Variants in CARD14 observed in about 807,000 individuals in gnomAD.
CARD14 encodes the protein caspase recruitment domain-containing protein 14.
In CARD14, 107 loss-of-function variants were observed where a neutral mutation model predicts 111.5. The observed-to-expected ratio is 0.96, with a 90% CI of 0.82 to 1.13. CARD14 has a LOEUF of 1.13. Among genes scored for constraint, CARD14 ranks in the 50% most tolerant of loss-of-function variants. CARD14 has a pLI of 0.00. For missense variants in CARD14, 1,322 were observed against 1,362.3 expected (o/e 0.97, Z 0.47); for synonymous variants, 617 against 579.6 (o/e 1.06, Z -0.93).
In CARD14 at chr17:80,201,653, C is replaced by T. The variant is rs1183168935; in HGVS notation, c.1852-91C>T. 1.5e-5 allele frequency: 21 copies of T among 1,399,484 alleles called. No homozygotes were observed. Among genetic ancestry groups the T allele is most frequent in the Middle Eastern group, 1.8e-4 (1 of 5,668 alleles). 86.7% of individuals were successfully genotyped at this position (1,399,484 alleles called of 1,614,324 possible). A position where few individuals can be genotyped will look rare whatever the true frequency, so the allele number is the denominator to read the frequency against. On this transcript the variant is annotated intron_variant, in intron 16 of 23. Transcript: ENST00000648509. This position sits in a 1 kb window ranked among gnomAD's most constrained non-coding sequence, Gnocchi z 5.0. ...GTGGTCCTACGGCAGGGCTGGCCCGCGCCTCGCCTCAGTGCCCTCAGCGCC... is the reference window on the plus strand; with the variant it reads ...GTGGTCCTACGGCAGGGCTGGCCCGTGCCTCGCCTCAGTGCCCTCAGCGCC...
chr17:80,188,529 G>A lies in CARD14; in HGVS notation c.828G>A (p.Ser276=), dbSNP rs150424747. 293 of 1,517,318 alleles carry A rather than the reference G, an allele frequency of 1.9e-4. 1 individual carries two copies. Among genetic ancestry groups the A allele is most frequent in the Non-Finnish European group, 2.4e-4 (270 of 1,131,386 alleles). 94.0% of individuals were successfully genotyped at this position (1,517,318 alleles called of 1,614,324 possible). Reference sequence around the variant, plus strand: ...AGGAGGAGAATGAGAAACTGCGCTCGCTGACTTTCAGCCTGGTAGGTTCCG... The same window carrying A: ...AGGAGGAGAATGAGAAACTGCGCTCACTGACTTTCAGCCTGGTAGGTTCCG... The part of the protein sequence containing the change: ...RLKEENEKLR[S]LTFSLAEKDI... The change falls in exon 8 of 24, where the codon TCG becomes TCA. Residue 276 remains serine (S), a synonymous_variant. Transcript: ENST00000648509. The surrounding 1 kb of genome is among the most constrained non-coding windows in gnomAD (Gnocchi z 4.5).
At position 80,190,065 on chromosome 17, in the gene CARD14, C is replaced by T. The variant is rs62074374; in HGVS notation, c.963+193C>T. Among the ~76,000 whole-genome samples the T allele has an allele frequency of 0.037, 5,560 of 152,186 alleles. 116 individuals are homozygous for T. Among genetic ancestry groups the T allele is most frequent in the Non-Finnish European group, 0.046 (3,143 of 68,012 alleles). On this transcript the variant is annotated intron_variant, in intron 9 of 23. Coordinates refer to ENST00000648509, the MANE Select transcript of CARD14 (RefSeq NM_001366385.1). ...ACCGACTCGCACCCCACAGCTAAGA[C>T]CATGGTCAGGCAGATGCGTGATTCA...
rs779608064 is a variant in CARD14 at position 80,192,572 on chromosome 17, A to G, written c.1309A>G (p.Ile437Val). The change falls in exon 12 of 24, where the codon ATC becomes GTC. Residue 437 changes from isoleucine to valine, a missense_variant. Coordinates refer to ENST00000648509, the MANE Select transcript of CARD14 (RefSeq NM_001366385.1). The stretch of plus-strand genomic sequence containing the variant: ...GCAGCGGCTGGTGCGGATGCATGCC[A>G]TCTGCCCCAGAGACGACAGCGACTG... ...EKQRLVRMHAICPRDDSDCSL... is the reference protein window; with the variant it reads ...EKQRLVRMHAVCPRDDSDCSL... 1.2e-6 allele frequency: 2 copies of G among 1,613,456 alleles called. No homozygotes were observed. The highest frequency in any genetic ancestry group is 1.7e-6 in the Non-Finnish European group (2 of 1,179,942).
intron 16 of CARD14, among the ~76,000 whole-genome samples, chr17:80,200,075 A>G (rs2040888303): frequency 6.6e-6 from 1 of 151,882 alleles, no homozygotes; most frequent in Non-Finnish European, 1.5e-5. Flanking sequence ...TGAACCCCTC[A>G]GGCAGGAGTG....
At chr17:80,178,156 C>T (rs1342038294) in intron 2 of CARD14, among the ~76,000 whole-genome samples, 1 of 152,196 alleles carries the variant, frequency 6.6e-6, no homozygotes, top group Non-Finnish European at 1.5e-5. Flanking sequence ...TCCAGCTGTT[C>T]TTCCTTCCGG....
In CARD14 at chr17:80,182,636, C is replaced by A. The variant is rs752936293; in HGVS notation, c.212-17C>A. 1 of 1,613,576 alleles carries A rather than the reference C, an allele frequency of 6.2e-7. No homozygotes were observed. The highest frequency in any genetic ancestry group is 1.1e-5 in the South Asian group (1 of 90,986). The stretch of plus-strand genomic sequence containing the variant: ...GGTAGCTGGGTTCTGCCCAGACAGA[C>A]GGTTCTGCCTCCCAAGGGCACTTGC... On this transcript the variant is annotated splice_polypyrimidine_tract_variant and intron_variant, in intron 5 of 23. Coordinates refer to ENST00000648509, the MANE Select transcript of CARD14 (RefSeq NM_001366385.1). The surrounding 1 kb of genome is among the most constrained non-coding windows in gnomAD (Gnocchi z 4.7).
Position 80,208,584 on chromosome 17 carries a change from G to A in CARD14, c.*239G>A, listed in dbSNP as rs1567910329. 8.7e-6 allele frequency: 4 copies of A among 459,962 alleles called. No individual in the cohort carries two copies. The highest frequency in any genetic ancestry group is 4.1e-5 in the Admixed American group (1 of 24,448). The allele number at this position is 459,962 out of a possible 1,614,324, so 28.5% of individuals were successfully genotyped here. ...TTCACCCTTTACCAGGCTTGGCATG[G>A]TCTGAACTGGAAACCCTGAGAATGT... On this transcript the variant is annotated 3_prime_UTR_variant, in exon 24 of 24. Transcript: ENST00000648509.
chr17:80,198,281 G>A lies in CARD14; in HGVS notation c.1659-118G>A, dbSNP rs1275097126. 5 of 1,563,124 alleles carry A rather than the reference G, an allele frequency of 3.2e-6. No individual in the cohort carries two copies. The highest frequency in any genetic ancestry group is 4.4e-6 in the Non-Finnish European group (5 of 1,143,028). On this transcript the variant is annotated intron_variant, in intron 15 of 23. Transcript: ENST00000648509. The surrounding 1 kb of genome is among the most constrained non-coding windows in gnomAD (Gnocchi z 7.5). ...GCAACAGCCTTTCCAAGCACATGGG[G>A]CCATGGAGGGGGAGGAGAATTCCAG... is the stretch of plus-strand genomic sequence containing the variant.
At chr17:80,190,043 G>T (rs947437472) in intron 9 of CARD14, among the ~76,000 whole-genome samples, 171 bp downstream of exon 9, 1 of 152,008 alleles carries the variant, frequency 6.6e-6, no homozygotes, top group African/African-American at 2.4e-5. Flanking sequence ...CCTAAGCACC[G>T]ACTCGCACCC....
Position 80,175,728 on chromosome 17 carries a change from G to A in CARD14, c.-367+2500G>A, listed in dbSNP as rs141992909. ...CGCTTGTGGTGGGGACGCTGAACAGGCAGGGCCTGGCTGGGATGGGGGCCC... is the reference window on the plus strand; with the variant it reads ...CGCTTGTGGTGGGGACGCTGAACAGACAGGGCCTGGCTGGGATGGGGGCCC... On this transcript the variant is annotated intron_variant, in intron 2 of 23. Coordinates refer to ENST00000648509, the MANE Select transcript of CARD14 (RefSeq NM_001366385.1). 3.0e-3 allele frequency among the ~76,000 whole-genome samples: 452 copies of A among 152,280 alleles called. 3 individuals carry two copies. Among genetic ancestry groups the A allele is most frequent in the Non-Finnish European group, 4.7e-3 (319 of 68,024 alleles).
At position 80,206,991 on chromosome 17, in the gene CARD14, G is replaced by A. The variant is rs375006162; in HGVS notation, c.2713G>A (p.Val905Ile). 2.5e-5 allele frequency: 40 copies of A among 1,611,678 alleles called. No homozygotes were observed. Among genetic ancestry groups the A allele is most frequent in the African/African-American group, 6.7e-5 (5 of 74,722 alleles). The change falls in exon 23 of 24, where the codon GTC becomes ATC. Residue 905 changes from valine to isoleucine, a missense_variant. Coordinates refer to ENST00000648509, the MANE Select transcript of CARD14 (RefSeq NM_001366385.1). The stretch of plus-strand genomic sequence containing the variant: ...AAAGAACACCCATGCCCTCCTGGAC[G>A]TCCAGCTGGACAGTGTCTGCACCCT... Reference protein sequence around the residue: ...MEKNTHALLDVQLDSVCTLHR... With the variant: ...MEKNTHALLDIQLDSVCTLHR...
chr17:80,208,122 A>C lies in CARD14; in HGVS notation c.2808-16A>C. 6.6e-7 allele frequency: 1 copy of C among 1,515,268 alleles called. No homozygotes were observed. Among genetic ancestry groups the C allele is most frequent in the Non-Finnish European group, 8.9e-7 (1 of 1,123,914 alleles). The allele number at this position is 1,515,268 out of a possible 1,614,324, so 93.9% of individuals were successfully genotyped here. On this transcript the variant is annotated splice_polypyrimidine_tract_variant and intron_variant, in intron 23 of 23. Transcript: ENST00000648509. ...CTCTCCCCTGAGCCCGCCCCCCCCAACTCTGGCCTGTGCAGGAAGGGCCTA... is the reference window on the plus strand; with the variant it reads ...CTCTCCCCTGAGCCCGCCCCCCCCACCTCTGGCCTGTGCAGGAAGGGCCTA...
Position 80,205,057 on chromosome 17 carries a change from C to A in CARD14, c.2421C>A (p.Ala807=), listed in dbSNP as rs770965110. Residue 807 remains alanine (A), a synonymous_variant, in exon 21 of 24, where the codon GCC becomes GCA. Transcript: ENST00000648509. ...RMEGSSTCFW[A]ESCLTLVPYT... ...CAGGCTCCAGCACGTGCTTCTGGGC[C>A]GAGAGCTGCCTCACCCTGGTGCCCT... The A allele has an allele frequency of 2.5e-6, 4 of 1,604,616 alleles. No homozygotes were observed. The highest frequency in any genetic ancestry group is 3.4e-6 in the Non-Finnish European group (4 of 1,174,982).
chr17:80,194,914 G>T (rs1363431347), intron 12 of CARD14, among the ~76,000 whole-genome samples: 2 of 152,168 alleles, frequency 1.3e-5, no homozygotes, highest in Non-Finnish European at 1.5e-5. Flanking sequence ...TGGGACAGCA[G>T]TGCCACCTTA....
In CARD14 at chr17:80,188,354, C is replaced by G. The variant is rs2040411236; in HGVS notation, c.676-23C>G. 6.2e-7 allele frequency: 1 copy of G among 1,602,466 alleles called. No individual in the cohort carries two copies. On this transcript the variant is annotated intron_variant, in intron 7 of 23. Transcript: ENST00000648509. The surrounding 1 kb of genome is among the most constrained non-coding windows in gnomAD (Gnocchi z 4.5). ...GGGAGAAGCTGTTTCCATCGCCCTT[C>G]CTGTCGCCTCCCCACCGCACAGCTG...
At position 80,182,347 on chromosome 17, in the gene CARD14, CCCA is replaced by C. The variant is rs1478764233; in HGVS notation, c.212-303_212-301del. On this transcript the variant is annotated intron_variant, in intron 5 of 23. Coordinates refer to ENST00000648509, the MANE Select transcript of CARD14 (RefSeq NM_001366385.1). This position sits in a 1 kb window ranked among gnomAD's most constrained non-coding sequence, Gnocchi z 4.7. The stretch of plus-strand genomic sequence containing the variant: ...CCAGGGAGGTGCTTGCAAGCAGGGA[CCCA>C]CCTCCTCACCCCGTCCCGGTCCCCC... Among the ~76,000 whole-genome samples the C allele has an allele frequency of 6.6e-6, 1 of 152,214 alleles. No individual in the cohort carries two copies. The highest frequency in any genetic ancestry group is 2.4e-5 in the African/African-American group (1 of 41,458).
At position 80,189,755 on chromosome 17, in the gene CARD14, G is replaced by A. The variant is rs1007674397; in HGVS notation, c.846G>A (p.Ala282=). 1.3e-5 allele frequency: 21 copies of A among 1,575,308 alleles called. No individual in the cohort carries two copies. Among genetic ancestry groups the A allele is most frequent in the Middle Eastern group, 1.8e-4 (1 of 5,712 alleles). Residue 282 remains alanine, a splice_region_variant and synonymous_variant, in exon 9 of 24, where the codon GCG becomes GCA. Coordinates refer to ENST00000648509, the MANE Select transcript of CARD14 (RefSeq NM_001366385.1). The surrounding 1 kb of genome is among the most constrained non-coding windows in gnomAD (Gnocchi z 4.7). The stretch of plus-strand genomic sequence containing the variant: ...AGGCTGACCTCTCTCTGCCCCAGGC[G>A]GAGAAGGACATTCTGGAGCAGAGCC... ...EKLRSLTFSL[A]EKDILEQSLD...
rs2040978554 is a variant in CARD14 at position 80,201,613 on chromosome 17, C to G, written c.1852-131C>G. Reference sequence around the variant, plus strand: ...CTCTGGTGTGTGGCTTTGTTTTGACCAAGGCGTGCAGGCAGTGGTCCTACG... The same window carrying G: ...CTCTGGTGTGTGGCTTTGTTTTGACGAAGGCGTGCAGGCAGTGGTCCTACG... On this transcript the variant is annotated intron_variant, in intron 16 of 23. Transcript: ENST00000648509. This position sits in a 1 kb window ranked among gnomAD's most constrained non-coding sequence, Gnocchi z 5.0. The G allele has an allele frequency of 1.1e-6, 1 of 905,992 alleles. No homozygotes were observed. The allele number at this position is 905,992 out of a possible 1,614,324, so 56.1% of individuals were successfully genotyped here.
At position 80,205,490 on chromosome 17, in the gene CARD14, C is replaced by A. The variant is rs1026428230; in HGVS notation, c.2570-41C>A. 6 of 1,567,732 alleles carry A rather than the reference C, an allele frequency of 3.8e-6. No homozygotes were observed. In the South Asian group the frequency reaches 7.0e-5, roughly 18 times the overall value. On this transcript the variant is annotated intron_variant, in intron 21 of 23. Coordinates refer to ENST00000648509, the MANE Select transcript of CARD14 (RefSeq NM_001366385.1). ...ACCATGGGACTCCCCCAGACCCCCA[C>A]ACAGCTGGTCTATGATGGCCCCGTC...
Sources: allele counts gnomAD v4.1 joint callset (sites outside exome capture counted in the v4.1 genomes callset), GRCh38; gene constraint gnomAD v4.1.1; non-coding constraint Gnocchi (gnomAD v3.1); transcripts MANE v1.5; gene names NCBI Gene and HGNC (gene_info 2026-07-23, HGNC 2026-07-21).